Variants in SFI1 observed in about 807,000 individuals in gnomAD.
SFI1 encodes the protein SFI1 centrin binding protein, also known as protein SFI1 homolog.
Under a neutral mutation model 207.5 loss-of-function variants are expected in SFI1, and 195 were observed. The ratio of observed to expected loss-of-function variants is 0.94; its 90% CI spans 0.84 to 1.06. SFI1 has a LOEUF of 1.06. Ranked by LOEUF, SFI1 falls within the 50% of genes least tolerant of loss-of-function variation. The pLI is 0.00. For missense variants in SFI1, 1,634 were observed against 1,588.0 expected, an observed-to-expected ratio of 1.03 and a Z score of -0.49; for synonymous variants, 630 against 598.9, an observed-to-expected ratio of 1.05 and a Z score of -0.76.
intron 2 of SFI1, among the ~76,000 whole-genome samples, 175 bp from the exon 3 acceptor site, chr22:31,528,515 C>G (rs941737625): frequency 6.6e-6 from 1 of 152,224 alleles, no homozygotes; most frequent in African/African-American, 2.4e-5. Flanking sequence ...CAGTACCCAC[C>G]TCTAGTGGTT....
At chr22:31,589,794 T>TTA (rs2065582061) in intron 15 of SFI1, among the ~76,000 whole-genome samples, 2 of 148,872 alleles carry the variant, frequency 1.3e-5, no homozygotes, top group Non-Finnish European at 3.0e-5. Context: ...TTATTTATTT[T>TTA]TTTTGTGTGT....
upstream of SFI1, chr22:31,496,239 G>A (rs1273772815): frequency 6.6e-6 from 1 of 152,250 alleles, no homozygotes; most frequent in Non-Finnish European, 1.5e-5. Flanking sequence ...TTCCGCCTCG[G>A]AATACCTCCC....
Position 31,585,160 on chromosome 22 carries a change from C to T in SFI1, c.1413+26C>T. 5.0e-6 allele frequency: 8 copies of T among 1,585,062 alleles called. 1 individual carries two copies. The South Asian group carries it at 5.6e-5, about 11-fold the overall frequency. ...GTATGGAGTACTTTTTAGCAGATAGCTCTACTGGCTTACATTCTTGGACCC... is the reference window on the plus strand; with the variant it reads ...GTATGGAGTACTTTTTAGCAGATAGTTCTACTGGCTTACATTCTTGGACCC... On this transcript the variant is annotated intron_variant, in intron 14 of 32. Transcript: ENST00000400288.
chr22:31,507,640 TACA>T (rs2054837632), intron 1 of SFI1, among the ~76,000 whole-genome samples: 1 of 152,164 alleles, frequency 6.6e-6, no homozygotes, highest in Non-Finnish European at 1.5e-5. Flanking sequence ...ATCTAGCATT[TACA>T]ACATTATGAG....
At chr22:31,600,430 G>C (rs2067915339) in intron 15 of SFI1, among the ~76,000 whole-genome samples, 1 of 152,160 alleles carries the variant, frequency 6.6e-6, no homozygotes, top group Admixed American at 6.5e-5. Flanking sequence ...TCTGCCCTCT[G>C]GCTGGGCCAG....
At chr22:31,536,897 GT>G (rs925220797) in intron 4 of SFI1, among the ~76,000 whole-genome samples, 15 of 144,772 alleles carry the variant, frequency 1.0e-4, no homozygotes, top group Non-Finnish European at 7.6e-5. Context: ...TCTGTTTTTT[GT>G]TTTTTTTTTT....
chr22:31,534,063 C>T (rs1197546519), intron 4 of SFI1, among the ~76,000 whole-genome samples: 1 of 152,082 alleles, frequency 6.6e-6, no homozygotes, highest in South Asian at 2.1e-4. Flanking sequence ...TAGCTCTGCC[C>T]ATCTCCCTCT....
chr22:31,521,096 G>A (rs1288375338), intron 2 of SFI1: 1 of 151,532 alleles, frequency 6.6e-6, no homozygotes, highest in Non-Finnish European at 1.5e-5. Flanking sequence ...TTAAAAATTA[G>A]CCAGGTGTCA....
At chr22:31,610,656 C>T (rs993776166) in intron 22 of SFI1, among the ~76,000 whole-genome samples, 6 of 152,244 alleles carry the variant, frequency 3.9e-5, no homozygotes, top group Admixed American at 6.5e-5. Context: ...CATGGCCTGG[C>T]GACCAGCGCT....
chr22:31,609,278 G>C (rs965408233), intron 22 of SFI1, among the ~76,000 whole-genome samples: 1 of 152,062 alleles, frequency 6.6e-6, no homozygotes, highest in South Asian at 2.1e-4. Flanking sequence ...GATTACAGGC[G>C]TGAGCCACTA....
intron 1 of SFI1, among the ~76,000 whole-genome samples, chr22:31,505,268 A>T (rs967995092): frequency 6.6e-6 from 1 of 151,674 alleles, no homozygotes; most frequent in Admixed American, 6.6e-5. Context: ...GGGAAACCCC[A>T]TCTCTACTAA....
chr22:31,535,102 G>T (rs2058853482), intron 4 of SFI1, among the ~76,000 whole-genome samples: 2 of 151,322 alleles, frequency 1.3e-5, no homozygotes, highest in African/African-American at 4.9e-5. Context: ...CCTGACCTCA[G>T]GTGATCTGCC....
At chr22:31,567,420 T>C (rs2062434759) in intron 8 of SFI1, among the ~76,000 whole-genome samples, 1 of 152,200 alleles carries the variant, frequency 6.6e-6, no homozygotes, top group African/African-American at 2.4e-5. Flanking sequence ...TTGACTTTTA[T>C]TCCTGGGAAG....
At chr22:31,556,076 C>T (rs1243008093) in intron 6 of SFI1, among the ~76,000 whole-genome samples, 2 of 152,036 alleles carry the variant, frequency 1.3e-5, no homozygotes, top group East Asian at 3.8e-4. Flanking sequence ...TGGGCCATTG[C>T]ATCTTCCATA....
At chr22:31,539,419 G>C (rs2059279969) in intron 4 of SFI1, among the ~76,000 whole-genome samples, 1 of 152,090 alleles carries the variant, frequency 6.6e-6, no homozygotes, top group Non-Finnish European at 1.5e-5. Flanking sequence ...TTTCATTTCT[G>C]CTGTCATATT....
intron 24 of SFI1, chr22:31,612,378 TA>T (rs1211677628): frequency 0.015 from 964 of 62,208 alleles, 50 homozygotes; most frequent in African/African-American, 0.071. Context: ...AGACTCTGTC[TA>T]AAAAAAAAAA....
intron 15 of SFI1, among the ~76,000 whole-genome samples, chr22:31,591,214 C>T (rs1220367735): frequency 6.6e-6 from 1 of 152,162 alleles, no homozygotes; most frequent in Non-Finnish European, 1.5e-5. Flanking sequence ...CAAAGCACAT[C>T]TTGCACCGCC....
chr22:31,561,358 C>A lies in SFI1; in HGVS notation c.731C>A (p.Ala244Asp). The change falls in exon 8 of 33, where the codon GCT becomes GAT. Residue 244 changes from alanine to aspartate, a missense_variant. Physicochemically the swap from Ala to Asp is moderately radical, Grantham distance 126. Coordinates refer to ENST00000400288, the MANE Select transcript of SFI1 (RefSeq NM_001007467.3). ...VRVSRALHASALKHRALSLQV... is the reference protein window; with the variant it reads ...VRVSRALHASDLKHRALSLQV... ...GTGAGCCGTGCCCTCCATGCCTCTG[C>A]TTTGAAGCACAGGGCCCTGAGCCTC... 3.7e-6 allele frequency: 6 copies of A among 1,614,092 alleles called. No homozygotes were observed. The highest frequency in any genetic ancestry group is 5.1e-6 in the Non-Finnish European group (6 of 1,180,002).
Position 31,561,365 on chromosome 22 carries a change from G to A in SFI1, c.738G>A (p.Lys246=), listed in dbSNP as rs1246195107. 6.2e-7 allele frequency: 1 copy of A among 1,613,916 alleles called. No individual in the cohort carries two copies. Among genetic ancestry groups the A allele is most frequent in the Admixed American group, 1.7e-5 (1 of 59,980 alleles). Residue 246 remains lysine, a synonymous_variant, in exon 8 of 33, where the codon AAG becomes AAA. Coordinates refer to ENST00000400288, the MANE Select transcript of SFI1 (RefSeq NM_001007467.3). ...VSRALHASAL[K]HRALSLQVQA... ...GTGCCCTCCATGCCTCTGCTTTGAA[G>A]CACAGGGCCCTGAGCCTCCAGGTGC...
Sources: allele counts gnomAD v4.1 joint callset (sites outside exome capture counted in the v4.1 genomes callset), GRCh38; gene constraint gnomAD v4.1.1; transcripts MANE v1.5; gene names NCBI Gene and HGNC (gene_info 2026-07-23, HGNC 2026-07-21).